Variants in PKIA observed in about 807,000 individuals in gnomAD.
PKIA encodes cAMP-dependent protein kinase inhibitor alpha.
A neutral mutation model predicts 7.6 loss-of-function variants in PKIA; 4 were observed. The ratio of observed to expected loss-of-function variants is 0.52; its 90% CI spans 0.26 to 1.20. PKIA has a LOEUF of 1.20. Among genes scored for constraint, PKIA ranks in the 50% most tolerant of loss-of-function variants. The probability of loss-of-function intolerance (pLI) is 0.13; values close to 1 mark genes in which losing one functional copy is unlikely to be tolerated. For missense variants in PKIA, 73 were observed against 86.2 expected, an observed-to-expected ratio of 0.85 and a Z score of 0.61; for synonymous variants, 21 against 30.7, an observed-to-expected ratio of 0.68 and a Z score of 1.04.
At chr8:78,526,014 T>C (rs1263506404) in intron 1 of PKIA, among the ~76,000 whole-genome samples, 1 of 152,086 alleles carries the variant, frequency 6.6e-6, no homozygotes, top group Non-Finnish European at 1.5e-5. Flanking sequence ...GAGAACTCAG[T>C]GAAGTGTCTG....
intron 1 of PKIA, among the ~76,000 whole-genome samples, chr8:78,554,849 T>C (rs79377520): frequency 0.052 from 7,984 of 152,168 alleles, 618 homozygotes; most frequent in African/African-American, 0.17. Flanking sequence ...TTCTTTTCAA[T>C]GAATAACTTT....
At chr8:78,545,816 A>G (rs941264574) in intron 1 of PKIA, among the ~76,000 whole-genome samples, 7 of 152,188 alleles carry the variant, frequency 4.6e-5, no homozygotes, top group Admixed American at 3.3e-4. Context: ...AAATACTGAT[A>G]GCATCAATAG....
chr8:78,548,494 G>C (rs1806890770), intron 1 of PKIA, among the ~76,000 whole-genome samples: 1 of 152,128 alleles, frequency 6.6e-6, no homozygotes, highest in African/African-American at 2.4e-5. Flanking sequence ...TTGGATTCCG[G>C]AAAACTTAGC....
chr8:78,532,653 TCC>T (rs933734594), intron 1 of PKIA, among the ~76,000 whole-genome samples: 9 of 152,050 alleles, frequency 5.9e-5, no homozygotes, highest in African/African-American at 2.2e-4. Context: ...ACCTATGTAA[TCC>T]CAGCACTTTG....
chr8:78,533,475 G>T (rs1292118504), intron 1 of PKIA, among the ~76,000 whole-genome samples: 1 of 152,084 alleles, frequency 6.6e-6, no homozygotes, highest in African/African-American at 2.4e-5. Context: ...TGTACTAGGT[G>T]CTGGCAATAG....
intron 2 of PKIA, among the ~76,000 whole-genome samples, chr8:78,577,139 G>T (rs910139074): frequency 2.0e-5 from 3 of 151,832 alleles, no homozygotes; most frequent in East Asian, 1.9e-4. Context: ...AAGTTCTAGG[G>T]TACATGTGCA....
chr8:78,545,155 G>A (rs1028847242), intron 1 of PKIA, among the ~76,000 whole-genome samples: 1 of 152,126 alleles, frequency 6.6e-6, no homozygotes, highest in Admixed American at 6.6e-5. Flanking sequence ...ATAATAGGGT[G>A]CTCAAAATAG....
intron 2 of PKIA, among the ~76,000 whole-genome samples, 200 bp from the exon 3 acceptor site, chr8:78,598,158 T>A (rs867635263): frequency 6.0e-5 from 9 of 149,528 alleles, no homozygotes; most frequent in Middle Eastern, 3.5e-3. Flanking sequence ...CATTTAAATA[T>A]GTAAAAATGT....
intron 2 of PKIA, among the ~76,000 whole-genome samples, chr8:78,579,083 C>G (rs562812110): frequency 3.3e-5 from 5 of 152,114 alleles, no homozygotes; most frequent in African/African-American, 1.2e-4. Flanking sequence ...ACAATTTCTA[C>G]ATGTAGTCCA....
At chr8:78,548,557 T>C (rs1465470218) in intron 1 of PKIA, among the ~76,000 whole-genome samples, 1 of 152,142 alleles carries the variant, frequency 6.6e-6, no homozygotes, top group African/African-American at 2.4e-5. Context: ...CCACCTCACG[T>C]AGATCTAATA....
intron 1 of PKIA, among the ~76,000 whole-genome samples, chr8:78,524,964 T>G (rs998600397): frequency 4.6e-5 from 7 of 151,880 alleles, no homozygotes; most frequent in African/African-American, 1.7e-4. Flanking sequence ...AAATGATTGG[T>G]ATTCTACACA....
At position 78,604,155 on chromosome 8, in the gene PKIA, G is replaced by C. The variant is rs1808419774; in HGVS notation, c.*2334G>C. 6.6e-6 allele frequency: 1 copy of C among 152,010 alleles called. No homozygotes were observed. The highest frequency in any genetic ancestry group is 2.4e-5 in the African/African-American group (1 of 41,418). 9.4% of individuals were successfully genotyped at this position (152,010 alleles called of 1,614,324 possible). On this transcript the variant is annotated 3_prime_UTR_variant, in exon 4 of 4. Coordinates refer to ENST00000396418, the MANE Select transcript of PKIA (RefSeq NM_006823.4). Reference sequence around the variant, plus strand: ...TTGAATTTTTAAGGAGAGAAGGAAAGGGTAGGAAACCAGGGCCTTGGGTTT... The same window carrying C: ...TTGAATTTTTAAGGAGAGAAGGAAACGGTAGGAAACCAGGGCCTTGGGTTT...
intron 2 of PKIA, among the ~76,000 whole-genome samples, chr8:78,580,943 C>T (rs571931326): frequency 1.9e-4 from 29 of 151,990 alleles, no homozygotes; most frequent in African/African-American, 5.6e-4. Flanking sequence ...TGTAGATGAA[C>T]GTGTTTTCAC....
chr8:78,526,339 C>G (rs891232503), intron 1 of PKIA, among the ~76,000 whole-genome samples: 3 of 152,036 alleles, frequency 2.0e-5, no homozygotes, highest in African/African-American at 7.2e-5. Flanking sequence ...GATTGGATCA[C>G]CTGGCAAAAG....
intron 1 of PKIA, among the ~76,000 whole-genome samples, chr8:78,525,494 A>C (rs1809524916): frequency 6.6e-6 from 1 of 152,066 alleles, no homozygotes; most frequent in Non-Finnish European, 1.5e-5. Context: ...CCATTAAATA[A>C]GAGGATGAAT....
In PKIA at chr8:78,601,873, G is replaced by A; in HGVS notation, c.*52G>A. 3 of 1,347,146 alleles carry A rather than the reference G, an allele frequency of 2.2e-6. No homozygotes were observed. Among genetic ancestry groups the A allele is most frequent in the Non-Finnish European group, 3.2e-6 (3 of 943,028 alleles). The allele number at this position is 1,347,146 out of a possible 1,614,324, so 83.4% of individuals were successfully genotyped here. A position where few individuals can be genotyped will look rare whatever the true frequency, so the allele number is the denominator to read the frequency against. Reference sequence around the variant, plus strand: ...CTGAAAATGTCTCAAATCTCCAGGAGTATCTGGAATGCATTTGTTTCCATG... The same window carrying A: ...CTGAAAATGTCTCAAATCTCCAGGAATATCTGGAATGCATTTGTTTCCATG... On this transcript the variant is annotated 3_prime_UTR_variant, in exon 4 of 4. Transcript: ENST00000396418.
intron 1 of PKIA, among the ~76,000 whole-genome samples, chr8:78,537,291 A>T (rs907178459): frequency 1.3e-5 from 2 of 152,042 alleles, no homozygotes; most frequent in African/African-American, 4.8e-5. Context: ...TGATACAGTA[A>T]AAGATAGCTA....
Position 78,603,488 on chromosome 8 carries a change from G to C in PKIA, c.*1667G>C, listed in dbSNP as rs1246073481. 6.6e-6 allele frequency: 1 copy of C among 151,778 alleles called. No homozygotes were observed. The highest frequency in any genetic ancestry group is 1.5e-5 in the Non-Finnish European group (1 of 67,928). The allele number at this position is 151,778 out of a possible 1,614,324, so 9.4% of individuals were successfully genotyped here. On this transcript the variant is annotated 3_prime_UTR_variant, in exon 4 of 4. Transcript: ENST00000396418. ...CATGGTTGCATTTAGTACTCAATCAGATATTACTAGAAAAAAAATTAATAA... is the reference window on the plus strand; with the variant it reads ...CATGGTTGCATTTAGTACTCAATCACATATTACTAGAAAAAAAATTAATAA...
intron 1 of PKIA, among the ~76,000 whole-genome samples, chr8:78,548,168 G>A (rs1806882496): frequency 6.6e-6 from 1 of 152,042 alleles, no homozygotes; most frequent in Non-Finnish European, 1.5e-5. Context: ...TAAAAGATGA[G>A]AACTTACTAC....
Sources: allele counts gnomAD v4.1 joint callset (sites outside exome capture counted in the v4.1 genomes callset), GRCh38; gene constraint gnomAD v4.1.1; transcripts MANE v1.5; gene names NCBI Gene and HGNC (gene_info 2026-07-23, HGNC 2026-07-21).